The following RC3H1 variants were observed in gnomAD, a reference collection of about 807,000 sequenced individuals.
RC3H1 encodes the protein roquin-1.
Under a neutral mutation model 138.2 loss-of-function variants are expected in RC3H1, and 50 were observed. The ratio of observed to expected loss-of-function variants is 0.36; its 90% confidence interval spans 0.29 to 0.46. The LOEUF (loss-of-function observed/expected upper bound fraction) is 0.46. RC3H1 is among the 20% of genes least tolerant of loss of function. The probability of loss-of-function intolerance (pLI) is 1.00; values close to 1 mark genes in which losing one functional copy is unlikely to be tolerated. For synonymous variants in RC3H1, 462 were observed against 489.1 expected (o/e 0.94, Z 0.73); for missense variants, 1,031 against 1,388.1 (o/e 0.74, Z 4.09).
Position 173,973,152 on chromosome 1 carries a change from T to C in RC3H1, c.1103-525A>G, listed in dbSNP as rs1660436133. 2.0e-5 allele frequency among the ~76,000 whole-genome samples: 3 copies of C among 152,352 alleles called. No individual in the cohort carries two copies. In the East Asian group the frequency reaches 5.8e-4, roughly 29 times the overall value. On this transcript the variant is annotated intron_variant, in intron 7 of 19. Transcript: ENST00000367696. ...ATTGCTCAGACCAACACTGTGTGGATTAAACAAAACTGAGGACTGTCTACA... is the reference window on the plus strand; with the variant it reads ...ATTGCTCAGACCAACACTGTGTGGACTAAACAAAACTGAGGACTGTCTACA...
intron 1 of RC3H1, among the ~76,000 whole-genome samples, chr1:174,019,076 A>C (rs548994105): frequency 1.3e-5 from 2 of 152,360 alleles, no homozygotes; most frequent in African/African-American, 2.4e-5. Flanking sequence ...AGTATTTCAA[A>C]GGCACAATTT....
intron 13 of RC3H1, among the ~76,000 whole-genome samples, chr1:173,956,923 A>T (rs1371876880): frequency 6.6e-6 from 1 of 151,832 alleles, no homozygotes; most frequent in African/African-American, 2.4e-5. Flanking sequence ...TTATTTTTAA[A>T]TTTTTGTTGA....
At position 173,964,088 on chromosome 1, in the gene RC3H1, T is replaced by C; in HGVS notation, c.1716A>G (p.Lys572=). ...AACCTCGAGGTACCATCTGAAGTGG[T>C]TTGGTAACAGGCATTGGAGGCAGAT... ...PADLPPMPVT[K]PLQMVPRGSQ... is the part of the protein sequence containing the mutation. The change falls in exon 11 of 20, where the codon AAA becomes AAG. Residue 572 remains lysine (K), a synonymous_variant. Coordinates refer to ENST00000367696, the MANE Select transcript of RC3H1 (RefSeq NM_172071.4). 9.3e-6 allele frequency: 15 copies of C among 1,614,106 alleles called. No homozygotes were observed. The highest frequency in any genetic ancestry group is 1.2e-5 in the Non-Finnish European group (14 of 1,180,000).
chr1:173,985,021 A>G (rs780791816), intron 2 of RC3H1, among the ~76,000 whole-genome samples: 1 of 152,190 alleles, frequency 6.6e-6, no homozygotes, highest in Non-Finnish European at 1.5e-5. Flanking sequence ...TCTATTTTCT[A>G]TGGATTTGCC....
rs1661977147 is a variant in RC3H1 at position 174,022,053 on chromosome 1, G to A, written c.-151+43C>T. 2 of 394,324 alleles carry A rather than the reference G, an allele frequency of 5.1e-6. No individual in the cohort carries two copies. The highest frequency in any genetic ancestry group is 4.5e-6 in the Non-Finnish European group (1 of 223,844). The allele number at this position is 394,324 out of a possible 1,614,324, so 24.4% of individuals were successfully genotyped here. ...ATTGTTCCCGACTGAGGCCCCGGCC[G>A]CGGCAGCCCCGCTCCCCAAGTCGCC... On this transcript the variant is annotated intron_variant, in intron 1 of 19. Coordinates refer to ENST00000367696, the MANE Select transcript of RC3H1 (RefSeq NM_172071.4). The surrounding 1 kb of genome is among the most constrained non-coding windows in gnomAD (Gnocchi z 4.2).
At chr1:173,973,625 C>T (rs1246887677) in intron 7 of RC3H1, among the ~76,000 whole-genome samples, 1 of 151,688 alleles carries the variant, frequency 6.6e-6, no homozygotes, top group African/African-American at 2.4e-5. Flanking sequence ...TTGCCCAGTG[C>T]CAGCACTATG....
rs753185282 is a variant in RC3H1 at position 173,983,670 on chromosome 1, A to G, written c.353-13T>C. 6.3e-5 allele frequency: 102 copies of G among 1,611,546 alleles called. No homozygotes were observed. The highest frequency in any genetic ancestry group is 7.5e-5 in the Non-Finnish European group (88 of 1,178,510). ...TTCAGACCCACTCCTTTAAAAGAGT[A>G]AAGAAGTTATTCCTAGGTTCACAAT... On this transcript the variant is annotated splice_polypyrimidine_tract_variant and intron_variant, in intron 3 of 19. Transcript: ENST00000367696.
chr1:173,971,783 A>G (rs1202593417), intron 8 of RC3H1, among the ~76,000 whole-genome samples: 1 of 152,202 alleles, frequency 6.6e-6, no homozygotes, highest in African/African-American at 2.4e-5. Flanking sequence ...ACTTAGCAGG[A>G]TAATTTTTAT....
intron 1 of RC3H1, among the ~76,000 whole-genome samples, chr1:173,998,362 T>A (rs1661502571): frequency 6.6e-6 from 1 of 152,184 alleles, no homozygotes. Context: ...AAGCAATGAT[T>A]AGTTTCCCCA....
intron 13 of RC3H1, among the ~76,000 whole-genome samples, chr1:173,954,039 AAATAAT>A (rs891893188): frequency 6.6e-6 from 1 of 151,568 alleles, no homozygotes; most frequent in East Asian, 1.9e-4. Context: ...ACTCCATCTC[AAATAAT>A]AATAATAATA....
In RC3H1 at chr1:173,982,781, A is replaced by C. The variant is rs767994207; in HGVS notation, c.714T>G (p.Ser238=). ...QRLEPRFPQA[S]KTSIGHVVQL... ...GAACAACATGCCCAATGCTAGTTTT[A>C]GAGGCTTGAGGAAACCGTGGCTCCA... The change falls in exon 5 of 20, where the codon TCT becomes TCG. Residue 238 remains serine (S), a synonymous_variant. Coordinates refer to ENST00000367696, the MANE Select transcript of RC3H1 (RefSeq NM_172071.4). 3.1e-6 allele frequency: 5 copies of C among 1,613,700 alleles called. No individual in the cohort carries two copies. The highest frequency in any genetic ancestry group is 4.2e-6 in the Non-Finnish European group (5 of 1,179,782).
chr1:174,007,870 T>C (rs553147043), intron 1 of RC3H1, among the ~76,000 whole-genome samples: 7 of 152,318 alleles, frequency 4.6e-5, no homozygotes, highest in African/African-American at 1.4e-4. Context: ...TTTGTGAACT[T>C]ATTTTTGGAG....
At chr1:173,985,183 A>G (rs1432990193) in intron 2 of RC3H1, among the ~76,000 whole-genome samples, 1 of 152,258 alleles carries the variant, frequency 6.6e-6, no homozygotes, top group Non-Finnish European at 1.5e-5. Context: ...GTATAAATAT[A>G]TCACACTTTA....
At chr1:173,993,427 G>A (rs1319588339) in intron 1 of RC3H1, among the ~76,000 whole-genome samples, 1 of 120,182 alleles carries the variant, frequency 8.3e-6, no homozygotes, top group South Asian at 2.7e-4. Flanking sequence ...TTTTTTTTTT[G>A]AGACGGAATT....
chr1:174,017,592 TAC>T (rs1473145349), intron 1 of RC3H1, among the ~76,000 whole-genome samples: 3 of 152,018 alleles, frequency 2.0e-5, no homozygotes, highest in Non-Finnish European at 4.4e-5. Context: ...GCTTAATGGG[TAC>T]AGTGTTTCCT....
intron 17 of RC3H1, 133 bp from the exon 18 acceptor site, chr1:173,943,748 A>AC: frequency 2.6e-6 from 2 of 780,206 alleles, no homozygotes; most frequent in Non-Finnish European, 3.8e-6. Context: ...ATGCAACTGT[A>AC]AGGTGCTGTT....
intron 9 of RC3H1, among the ~76,000 whole-genome samples, chr1:173,967,938 T>G (rs945884928): frequency 6.6e-6 from 1 of 152,200 alleles, no homozygotes; most frequent in African/African-American, 2.4e-5. Flanking sequence ...TCCTAAATAT[T>G]TAAATCTCTT....
intron 1 of RC3H1, among the ~76,000 whole-genome samples, chr1:174,013,642 A>C (rs1661808807): frequency 6.6e-6 from 1 of 151,920 alleles, no homozygotes. Flanking sequence ...GGGTTTCACC[A>C]TGTTGGCCAG....
intron 13 of RC3H1, among the ~76,000 whole-genome samples, chr1:173,955,380 C>T (rs1464343286): frequency 2.7e-5 from 4 of 145,578 alleles, no homozygotes; most frequent in African/African-American, 5.1e-5. Context: ...TGCAGTGGCG[C>T]GATCTCGGCT....
Sources: allele counts gnomAD v4.1 joint callset (sites outside exome capture counted in the v4.1 genomes callset), GRCh38; gene constraint gnomAD v4.1.1; non-coding constraint Gnocchi (gnomAD v3.1); transcripts MANE v1.5; gene names NCBI Gene and HGNC (gene_info 2026-07-23, HGNC 2026-07-21).